Variants in FAM193A observed in about 807,000 individuals in gnomAD.
The protein encoded by FAM193A is family with sequence similarity 193 member A, also known as protein FAM193A.
A neutral mutation model predicts 126.5 loss-of-function variants in FAM193A; 22 were observed. That is an observed-to-expected ratio of 0.17 (90% CI 0.12 to 0.25). The LOEUF (loss-of-function observed/expected upper bound fraction) is 0.25, where lower values mean the gene tolerates loss of function less well. Among genes scored for constraint, FAM193A ranks in the 10% least tolerant of loss-of-function variants. The pLI is 1.00. For missense variants in FAM193A, 1,675 were observed against 1,672.8 expected (o/e 1.00, Z -0.02); for synonymous variants, 761 against 646.8 (o/e 1.18, Z -2.68).
intron 1 of FAM193A, among the ~76,000 whole-genome samples, chr4:2,560,240 G>T (rs908842861): frequency 1.3e-5 from 2 of 152,166 alleles, no homozygotes; most frequent in Admixed American, 6.6e-5. Flanking sequence ...ACCGCGCCTG[G>T]CCTGTGCAGG....
chr4:2,570,786 C>G (rs1034298634), intron 1 of FAM193A, among the ~76,000 whole-genome samples: 7 of 152,140 alleles, frequency 4.6e-5, no homozygotes, highest in African/African-American at 1.2e-4. Flanking sequence ...GCCCCACTCC[C>G]CGGCCTGGGA....
chr4:2,538,533 T>C (rs6842403), intron 1 of FAM193A, among the ~76,000 whole-genome samples: 149,819 of 152,128 alleles, frequency 0.98, 73,805 homozygotes, highest in Middle Eastern at 1. Flanking sequence ...GGTCTTGGGC[T>C]GTAGTCCTGG....
chr4:2,717,940 C>T (rs1350489445), intron 20 of FAM193A, among the ~76,000 whole-genome samples: 1 of 152,056 alleles, frequency 6.6e-6, no homozygotes, highest in African/African-American at 2.4e-5. Context: ...CAGGTGTGAA[C>T]CACCACGCCC....
intron 10 of FAM193A, among the ~76,000 whole-genome samples, chr4:2,660,476 C>A (rs1052567185): frequency 1.3e-5 from 2 of 152,178 alleles, no homozygotes; most frequent in Non-Finnish European, 2.9e-5. Context: ...TTTCATGTTC[C>A]CGCATGATTA....
At chr4:2,647,306 C>T (rs568057548) in intron 7 of FAM193A, among the ~76,000 whole-genome samples, 67 of 152,128 alleles carry the variant, frequency 4.4e-4, no homozygotes, top group African/African-American at 1.5e-3. Flanking sequence ...CCAACCATGC[C>T]TGGCTAGTTT....
chr4:2,710,964 G>C (rs1052170854), intron 19 of FAM193A, among the ~76,000 whole-genome samples: 4 of 148,538 alleles, frequency 2.7e-5, no homozygotes, highest in Admixed American at 1.4e-4. Flanking sequence ...CCATTCTCCT[G>C]ACTCAGCCTC....
chr4:2,639,635 T>TG, intron 5 of FAM193A, 100 bp from the exon 6 acceptor site: 1 of 674,282 alleles, frequency 1.5e-6, no homozygotes, highest in South Asian at 1.7e-5. Flanking sequence ...GTGTGCGTGG[T>TG]GGGGGGAAAT....
chr4:2,636,157 G>T (rs529594399), intron 5 of FAM193A, among the ~76,000 whole-genome samples: 4 of 151,270 alleles, frequency 2.6e-5, no homozygotes, highest in Non-Finnish European at 5.9e-5. Flanking sequence ...TCTGCTTCCT[G>T]GGTTCAAGTG....
chr4:2,582,564 T>G (rs1263163580), intron 1 of FAM193A, among the ~76,000 whole-genome samples: 5 of 152,120 alleles, frequency 3.3e-5, no homozygotes, highest in African/African-American at 1.2e-4. Flanking sequence ...TTTTCAGAAG[T>G]AAAGAAGTGA....
intron 2 of FAM193A, among the ~76,000 whole-genome samples, chr4:2,601,399 A>AT (rs934094857): frequency 1.3e-5 from 2 of 150,986 alleles, no homozygotes; most frequent in African/African-American, 2.4e-5. Context: ...CACCCAGCTA[A>AT]TTTTTTTGTA....
At chr4:2,679,843 C>T (rs1248763551) in intron 13 of FAM193A, among the ~76,000 whole-genome samples, 1 of 149,588 alleles carries the variant, frequency 6.7e-6, no homozygotes, top group East Asian at 2.0e-4. Context: ...AGGTTTGGGG[C>T]TTTTCTTTAT....
At chr4:2,644,511 A>G (rs1428182022) in intron 6 of FAM193A, among the ~76,000 whole-genome samples, 1 of 152,200 alleles carries the variant, frequency 6.6e-6, no homozygotes, top group African/African-American at 2.4e-5. Context: ...ACTGGAGTCC[A>G]TGTCTTAAGG....
chr4:2,594,462 T>A (rs1298127790), intron 1 of FAM193A, among the ~76,000 whole-genome samples: 1 of 152,162 alleles, frequency 6.6e-6, no homozygotes, highest in African/African-American at 2.4e-5. Flanking sequence ...GGGTCCACTC[T>A]CTTCCCACCT....
At chr4:2,702,613 C>T (rs1455881832) in intron 19 of FAM193A, among the ~76,000 whole-genome samples, 2 of 152,194 alleles carry the variant, frequency 1.3e-5, no homozygotes, top group African/African-American at 4.8e-5. Context: ...GATATCCCAG[C>T]CCCACTCCTG....
intron 13 of FAM193A, among the ~76,000 whole-genome samples, chr4:2,688,528 G>A (rs1443831290): frequency 1.3e-5 from 2 of 152,154 alleles, no homozygotes; most frequent in African/African-American, 4.8e-5. Flanking sequence ...GCCAAGGGGA[G>A]GCCTGTGTGT....
chr4:2,603,051 C>G (rs1411608282), intron 2 of FAM193A, among the ~76,000 whole-genome samples: 2 of 141,520 alleles, frequency 1.4e-5, no homozygotes, highest in Admixed American at 1.5e-4. Flanking sequence ...TCACTGCAGG[C>G]TCCGCCTTCT....
chr4:2,567,577 T>C (rs1045696399), intron 1 of FAM193A, among the ~76,000 whole-genome samples: 4 of 152,240 alleles, frequency 2.6e-5, no homozygotes, highest in African/African-American at 9.6e-5. Flanking sequence ...TGTGTTGTTA[T>C]TAAAAAGTAT....
intron 15 of FAM193A, among the ~76,000 whole-genome samples, chr4:2,692,496 C>T (rs915034221): frequency 3.3e-5 from 5 of 152,170 alleles, no homozygotes; most frequent in African/African-American, 1.2e-4. Context: ...CTGGAGGAAC[C>T]TAGCAGACAG....
At chr4:2,566,648 A>T (rs1333097121) in intron 1 of FAM193A, among the ~76,000 whole-genome samples, 2 of 152,018 alleles carry the variant, frequency 1.3e-5, no homozygotes, top group African/African-American at 4.8e-5. Context: ...AGATCACACC[A>T]CTGCATTCCA....
Sources: allele counts gnomAD v4.1 joint callset (sites outside exome capture counted in the v4.1 genomes callset), GRCh38; gene constraint gnomAD v4.1.1; transcripts MANE v1.5; gene names NCBI Gene and HGNC (gene_info 2026-07-23, HGNC 2026-07-21).